Variants in UBE2E1 observed in about 807,000 individuals in gnomAD.
UBE2E1 encodes ubiquitin-conjugating enzyme E2 E1.
Under a neutral mutation model 21.4 loss-of-function variants are expected in UBE2E1, and 6 were observed. The observed-to-expected ratio is 0.28, with a 90% CI of 0.15 to 0.55. The LOEUF (loss-of-function observed/expected upper bound fraction) is 0.55. Ranked by LOEUF, UBE2E1 falls within the 20% of genes least tolerant of loss-of-function variation. The pLI, the probability that UBE2E1 is intolerant of heterozygous loss-of-function variation, is 0.93. For synonymous variants in UBE2E1, 87 were observed against 82.7 expected (o/e 1.05, Z -0.28); for missense variants, 142 against 236.5 (o/e 0.60, Z 2.62).
In UBE2E1 at chr3:23,845,581, C is replaced by CTGTGTGTGTGTGTG. The variant is rs1343231599; in HGVS notation, c.203+34072_203+34073insGTGTGTGTGTGTGT. Among the ~76,000 whole-genome samples the CTGTGTGTGTGTGTG allele has an allele frequency of 3.7e-3, 179 of 48,432 alleles. 1 individual carries two copies. Among genetic ancestry groups the CTGTGTGTGTGTGTG allele is most frequent in the Non-Finnish European group, 7.3e-3 (147 of 20,014 alleles). 31.8% of individuals were successfully genotyped at this position (48,432 alleles called of 152,430 possible). A position where few individuals can be genotyped will look rare whatever the true frequency, so the allele number is the denominator to read the frequency against. On this transcript the variant is annotated intron_variant, in intron 3 of 5. Transcript: ENST00000306627. ...TTGGTTTCTCTCTCTCTCTCTCTCT[C>CTGTGTGTGTGTGTG]TCTCTCTCTGTGTGTGTGTGTGTGT...
chr3:23,837,618 G>A lies in UBE2E1; in HGVS notation c.203+26108G>A, dbSNP rs181023100. Among the ~76,000 whole-genome samples, 1,094 of 152,320 alleles carry A rather than the reference G, an allele frequency of 7.2e-3. 9 individuals are homozygous for A. Among genetic ancestry groups the A allele is most frequent in the African/African-American group, 0.024 (1,005 of 41,570 alleles). On this transcript the variant is annotated intron_variant, in intron 3 of 5. Transcript: ENST00000306627. ...TCAGAGGATTTGTGATATATTATGTGATATGTTTTAAAAATTACTAGCTCC... is the reference window on the plus strand; with the variant it reads ...TCAGAGGATTTGTGATATATTATGTAATATGTTTTAAAAATTACTAGCTCC...
intron 3 of UBE2E1, among the ~76,000 whole-genome samples, chr3:23,812,580 C>G (rs1017175871): frequency 6.6e-6 from 1 of 152,186 alleles, no homozygotes; most frequent in Non-Finnish European, 1.5e-5. Flanking sequence ...GTGGGATGCT[C>G]TTCCGTGAAA....
intron 3 of UBE2E1, chr3:23,879,189 C>A: frequency 1.2e-6 from 1 of 856,382 alleles, no homozygotes. Context: ...CATCCTTCCA[C>A]ATCTAGAGTC....
intron 3 of UBE2E1, among the ~76,000 whole-genome samples, chr3:23,871,378 C>T (rs1157884261): frequency 6.9e-6 from 1 of 145,730 alleles, no homozygotes; most frequent in East Asian, 2.1e-4. Flanking sequence ...GCTGGCCGGG[C>T]GGGGGGCTGA....
chr3:23,864,674 A>G (rs367642301), intron 3 of UBE2E1, among the ~76,000 whole-genome samples: 3 of 152,276 alleles, frequency 2.0e-5, no homozygotes, highest in Admixed American at 2.0e-4. Flanking sequence ...AATTCTCCCT[A>G]TAATTTCTGT....
chr3:23,838,161 G>A (rs1026582823), intron 3 of UBE2E1, among the ~76,000 whole-genome samples: 4 of 151,816 alleles, frequency 2.6e-5, no homozygotes, highest in Non-Finnish European at 5.9e-5. Flanking sequence ...TCAGCCTCCC[G>A]GGCTCAAGTA....
At chr3:23,875,677 G>A (rs986852540) in intron 3 of UBE2E1, among the ~76,000 whole-genome samples, 1 of 152,214 alleles carries the variant, frequency 6.6e-6, no homozygotes, top group African/African-American at 2.4e-5. Context: ...GAGATCTTAA[G>A]TGCCTGGGAT....
chr3:23,850,007 A>G (rs913918891), intron 3 of UBE2E1, among the ~76,000 whole-genome samples: 5 of 152,212 alleles, frequency 3.3e-5, no homozygotes, highest in Non-Finnish European at 7.3e-5. Flanking sequence ...TTCTAATAGC[A>G]ATGATGTTGA....
At chr3:23,820,458 A>G (rs908363959) in intron 3 of UBE2E1, among the ~76,000 whole-genome samples, 1 of 152,230 alleles carries the variant, frequency 6.6e-6, no homozygotes. Flanking sequence ...TTGATGTCCC[A>G]TCCCACTCAG....
In UBE2E1 at chr3:23,881,692, G is replaced by C. The variant is rs768961489; in HGVS notation, c.204-5875G>C. 1.1e-4 allele frequency among the ~76,000 whole-genome samples: 17 copies of C among 152,196 alleles called. 1 individual carries two copies. In the South Asian group the frequency reaches 1.9e-3, roughly 17 times the overall value. On this transcript the variant is annotated intron_variant, in intron 3 of 5. Coordinates refer to ENST00000306627, the MANE Select transcript of UBE2E1 (RefSeq NM_003341.5). ...GCAAAATTATGAAATGTACTTTTCT[G>C]CTCCCATTGTGTCCGGAATTGGTGG...
Position 23,853,113 on chromosome 3 carries a change from G to C in UBE2E1, c.204-34454G>C, listed in dbSNP as rs578189629. Among the ~76,000 whole-genome samples the C allele has an allele frequency of 6.6e-6, 1 of 151,880 alleles. No homozygotes were observed. The highest frequency in any genetic ancestry group is 2.4e-5 in the African/African-American group (1 of 41,350). On this transcript the variant is annotated intron_variant, in intron 3 of 5. Coordinates refer to ENST00000306627, the MANE Select transcript of UBE2E1 (RefSeq NM_003341.5). This position sits in a 1 kb window ranked among gnomAD's most constrained non-coding sequence, Gnocchi z 4.1. ...ATTTTTTGTTGGTCAGGCTGGTCTCGAACTCCCAACCTCAGGTGATCTGCC... is the reference window on the plus strand; with the variant it reads ...ATTTTTTGTTGGTCAGGCTGGTCTCCAACTCCCAACCTCAGGTGATCTGCC...
At chr3:23,845,340 T>A (rs1183700265) in intron 3 of UBE2E1, among the ~76,000 whole-genome samples, 1 of 152,220 alleles carries the variant, frequency 6.6e-6, no homozygotes, top group African/African-American at 2.4e-5. Context: ...TATGCACATA[T>A]ATACTCTCTT....
At chr3:23,871,665 C>T (rs1700794402) in intron 3 of UBE2E1, among the ~76,000 whole-genome samples, 5 of 148,612 alleles carry the variant, frequency 3.4e-5, no homozygotes, top group Admixed American at 2.7e-4. Flanking sequence ...ATGGGGCGGC[C>T]GGGCAGAGAC....
chr3:23,874,699 G>A (rs534859072), intron 3 of UBE2E1, among the ~76,000 whole-genome samples: 51 of 152,234 alleles, frequency 3.4e-4, no homozygotes, highest in Non-Finnish European at 5.6e-4. Context: ...ACTCAGGCTT[G>A]TATAATTCCT....
rs569605982 is a variant in UBE2E1 at position 23,864,447 on chromosome 3, G to T, written c.204-23120G>T. On this transcript the variant is annotated intron_variant, in intron 3 of 5. Coordinates refer to ENST00000306627, the MANE Select transcript of UBE2E1 (RefSeq NM_003341.5). ...TCCTTCCTATGGTCCTTTAATTGTT[G>T]TATCTTTTCTCTCCTATTTGCAGCC... 4.6e-5 allele frequency among the ~76,000 whole-genome samples: 7 copies of T among 152,090 alleles called. No individual in the cohort carries two copies. In the South Asian group the frequency reaches 1.5e-3, roughly 32 times the overall value.
chr3:23,869,668 A>G (rs1575029054), intron 3 of UBE2E1, among the ~76,000 whole-genome samples: 1 of 139,834 alleles, frequency 7.2e-6, no homozygotes. Flanking sequence ...GCAGTCGGAG[A>G]TTGCTTGAGC....
At chr3:23,822,359 A>G (rs1699661754) in intron 3 of UBE2E1, among the ~76,000 whole-genome samples, 1 of 152,198 alleles carries the variant, frequency 6.6e-6, no homozygotes, top group Non-Finnish European at 1.5e-5. Context: ...ATCTGGTGTT[A>G]TCTACTTTCT....
chr3:23,840,068 T>A (rs1043649379), intron 3 of UBE2E1, among the ~76,000 whole-genome samples: 5 of 152,180 alleles, frequency 3.3e-5, no homozygotes, highest in African/African-American at 1.2e-4. Context: ...TTCCTTTGCA[T>A]AGTCTAACAT....
At chr3:23,807,072 C>T (rs911167238) in intron 1 of UBE2E1, 165 bp from the exon 2 acceptor site, 16 of 515,260 alleles carry the variant, frequency 3.1e-5, no homozygotes, top group Non-Finnish European at 4.9e-5. Flanking sequence ...AAGCCGCGTC[C>T]GATTTGCAAA....
Sources: allele counts gnomAD v4.1 joint callset (sites outside exome capture counted in the v4.1 genomes callset), GRCh38; gene constraint gnomAD v4.1.1; non-coding constraint Gnocchi (gnomAD v3.1); transcripts MANE v1.5; gene names NCBI Gene and HGNC (gene_info 2026-07-23, HGNC 2026-07-21).